RPS19: variants seen among roughly 807,000 people sequenced by gnomAD.
The protein encoded by RPS19 is ribosomal protein S19.
RPS19 carries 1 observed loss-of-function variant against 20.3 expected under a neutral mutation model. The ratio of observed to expected loss-of-function variants is 0.05; its 90% CI spans 0.02 to 0.23. RPS19 has a LOEUF of 0.23. RPS19 is among the 10% of genes least tolerant of loss of function. RPS19 has a pLI of 1.00. For missense variants in RPS19, 111 were observed against 192.7 expected (o/e 0.58, Z 2.51); for synonymous variants, 87 against 74.8 (o/e 1.16, Z -0.84).
chr19:41,869,636 G>A (rs1334455406), intron 4 of RPS19, 63 bp from the exon 5 acceptor site: 5 of 1,568,646 alleles, frequency 3.2e-6, no homozygotes, highest in Non-Finnish European at 4.4e-6. Context: ...ACAGCCAGGA[G>A]GGAAGGGGCT....
At chr19:41,870,508 C>G (rs2074135583) in intron 5 of RPS19, among the ~76,000 whole-genome samples, 1 of 152,152 alleles carries the variant, frequency 6.6e-6, no homozygotes, top group South Asian at 2.1e-4. Context: ...GTGCCACAGT[C>G]TCCTGTCTTG....
chr19:41,869,279 C>A lies in RPS19; in HGVS notation c.356+65C>A, dbSNP rs890428086. ...TGAGGCCCGGTCATCAATTCCCCAACGAATGGTCCTGCATAGTCTGCCCAG... is the reference window on the plus strand; with the variant it reads ...TGAGGCCCGGTCATCAATTCCCCAAAGAATGGTCCTGCATAGTCTGCCCAG... On this transcript the variant is annotated intron_variant, in intron 4 of 5. Transcript: ENST00000598742. 9.7e-6 allele frequency: 14 copies of A among 1,436,974 alleles called. No homozygotes were observed. The Admixed American group carries it at 1.7e-4, about 17-fold the overall frequency. 89.0% of individuals were successfully genotyped at this position (1,436,974 alleles called of 1,614,324 possible).
Position 41,871,803 on chromosome 19 carries a change from C to T in RPS19, c.*426C>T, listed in dbSNP as rs376165675. The T allele has an allele frequency of 5.0e-5, 11 of 219,816 alleles. No homozygotes were observed. The East Asian group carries it at 7.2e-4, about 14-fold the overall frequency. 13.6% of individuals were successfully genotyped at this position (219,816 alleles called of 1,614,324 possible). ...TTTGCAATTGTCAGAAAGTGAGAAA[C>T]GAAAGGATGGCTGTGAGCTGTGACC... On this transcript the variant is annotated 3_prime_UTR_variant, in exon 6 of 6. Coordinates refer to ENST00000598742, the MANE Select transcript of RPS19 (RefSeq NM_001022.4).
At chr19:41,861,552 T>C (rs1555839302) in intron 3 of RPS19, 1 of 373,878 alleles carries the variant, frequency 2.7e-6, no homozygotes, top group African/African-American at 2.1e-5. Context: ...TCTGGCTGTG[T>C]GTCCTCTGGC....
At chr19:41,866,029 G>A (rs1248472425) in intron 3 of RPS19, among the ~76,000 whole-genome samples, 4 of 151,628 alleles carry the variant, frequency 2.6e-5, no homozygotes, top group African/African-American at 4.8e-5. Context: ...CGAGGCGGGC[G>A]GATCAGGAGG....
chr19:41,861,032 T>C, intron 2 of RPS19, 80 bp from the exon 3 acceptor site: 1 of 1,161,666 alleles, frequency 8.6e-7, no homozygotes, highest in Non-Finnish European at 1.3e-6. Context: ...AGCATAGTTG[T>C]GTTGAGGGGA....
chr19:41,869,322 A>G, intron 4 of RPS19, 108 bp downstream of exon 4: 3 of 1,040,178 alleles, frequency 2.9e-6, no homozygotes, highest in Admixed American at 2.4e-5. Flanking sequence ...GGCCCCTCCT[A>G]TCAGAGGCAG....
chr19:41,865,567 A>G (rs782356694), intron 3 of RPS19, among the ~76,000 whole-genome samples: 6 of 152,024 alleles, frequency 3.9e-5, no homozygotes, highest in African/African-American at 9.7e-5. Flanking sequence ...TCCCAACCCA[A>G]CAAGACTGAG....
intron 2 of RPS19, 27 bp from the exon 3 acceptor site, chr19:41,861,085 G>T (rs1376469858): frequency 1.3e-6 from 2 of 1,572,082 alleles, no homozygotes; most frequent in Admixed American, 1.7e-5. Context: ...TGACTGAATC[G>T]TGCTTTTCCC....
chr19:41,862,652 TA>T (rs1381595183), intron 3 of RPS19, among the ~76,000 whole-genome samples: 294 of 140,432 alleles, frequency 2.1e-3, no homozygotes, highest in African/African-American at 7.4e-3. Flanking sequence ...TTTTTTTTTT[TA>T]ACATGGGGAG....
chr19:41,862,380 A>T (rs1402042327), intron 3 of RPS19, among the ~76,000 whole-genome samples: 1 of 152,082 alleles, frequency 6.6e-6, no homozygotes, highest in East Asian at 1.9e-4. Context: ...CTGGCATACC[A>T]CCTACCCACC....
In RPS19 at chr19:41,861,218, G is replaced by A. The variant is rs2074028247; in HGVS notation, c.172+6G>A. On this transcript the variant is annotated splice_donor_region_variant and intron_variant, in intron 3 of 5. Coordinates refer to ENST00000598742, the MANE Select transcript of RPS19 (RefSeq NM_001022.4). Reference sequence around the variant, plus strand: ...CTGGTTCTACACGCGAGCTGGTGAGGAACTTAGGTCTTTGGCTGGAGAGTG... The same window carrying A: ...CTGGTTCTACACGCGAGCTGGTGAGAAACTTAGGTCTTTGGCTGGAGAGTG... 2 of 1,609,718 alleles carry A rather than the reference G, an allele frequency of 1.2e-6. No homozygotes were observed. The highest frequency in any genetic ancestry group is 1.7e-6 in the Non-Finnish European group (2 of 1,176,150).
At position 41,865,577 on chromosome 19, in the gene RPS19, G is replaced by A. The variant is rs1392258293; in HGVS notation, c.173-3454G>A. Among the ~76,000 whole-genome samples the A allele has an allele frequency of 1.1e-4, 16 of 152,106 alleles. 1 individual carries two copies. Among genetic ancestry groups the A allele is most frequent in the Non-Finnish European group, 1.5e-5 (1 of 68,020 alleles). ...GCTAGTCCCAACCCAACAAGACTGA[G>A]GTTGAGTGTCCCATTTCTGGTGTAC... On this transcript the variant is annotated intron_variant, in intron 3 of 5. Transcript: ENST00000598742.
intron 1 of RPS19, 105 bp from the exon 2 acceptor site, chr19:41,860,667 GGTA>G: frequency 1.1e-6 from 1 of 879,448 alleles, no homozygotes; most frequent in South Asian, 1.3e-5. Context: ...AGTAACGGGG[GGTA>G]CCACGGTTTA....
At chr19:41,862,671 CAA>C (rs1314089508) in intron 3 of RPS19, among the ~76,000 whole-genome samples, 3 of 147,352 alleles carry the variant, frequency 2.0e-5, no homozygotes, top group Admixed American at 6.8e-5. Flanking sequence ...GAGGGATTAA[CAA>C]GAGATGGCAT....
chr19:41,867,768 G>A (rs2074105335), intron 3 of RPS19, among the ~76,000 whole-genome samples: 1 of 152,196 alleles, frequency 6.6e-6, no homozygotes, highest in Non-Finnish European at 1.5e-5. Context: ...TCACACCACA[G>A]CACCCCAGCC....
At chr19:41,869,574 G>A in intron 4 of RPS19, 125 bp from the exon 5 acceptor site, 1 of 976,918 alleles carries the variant, frequency 1.0e-6, no homozygotes, top group South Asian at 1.3e-5. Context: ...CCTGACTAGG[G>A]CCCTCAGTGG....
At position 41,871,257 on chromosome 19, in the gene RPS19, G is replaced by C. The variant is rs1453753271; in HGVS notation, c.412-94G>C. Reference sequence around the variant, plus strand: ...GATGCATTTGAAACCACAAATCGGGGTGCCCACCTGTGGTGGGTAGTTAGG... The same window carrying C: ...GATGCATTTGAAACCACAAATCGGGCTGCCCACCTGTGGTGGGTAGTTAGG... On this transcript the variant is annotated intron_variant, in intron 5 of 5. Coordinates refer to ENST00000598742, the MANE Select transcript of RPS19 (RefSeq NM_001022.4). 3 of 1,018,272 alleles carry C rather than the reference G, an allele frequency of 2.9e-6. No homozygotes were observed. The South Asian group carries it at 3.8e-5, about 13-fold the overall frequency. 63.1% of individuals were successfully genotyped at this position (1,018,272 alleles called of 1,614,324 possible). A position where few individuals can be genotyped will look rare whatever the true frequency, so the allele number is the denominator to read the frequency against.
intron 3 of RPS19, chr19:41,864,662 C>T (rs1033541216): frequency 3.3e-5 from 5 of 152,374 alleles, no homozygotes; most frequent in Admixed American, 1.3e-4. Flanking sequence ...TTTACAGTTC[C>T]AGGTAGGGGG....
Sources: allele counts gnomAD v4.1 joint callset (sites outside exome capture counted in the v4.1 genomes callset), GRCh38; gene constraint gnomAD v4.1.1; transcripts MANE v1.5; gene names NCBI Gene and HGNC (gene_info 2026-07-23, HGNC 2026-07-21).